Variants in USH2A observed in about 807,000 individuals in gnomAD.
USH2A encodes the protein Usher syndrome 2A (autosomal recessive, mild).
A neutral mutation model predicts 538.9 loss-of-function variants in USH2A; 443 were observed. That is an observed-to-expected ratio of 0.82 (90% CI 0.76 to 0.89). The LOEUF is 0.89. Among genes scored for constraint, USH2A ranks in the 40% least tolerant of loss-of-function variants. USH2A has a pLI of 0.00. For synonymous variants in USH2A, 2,413 were observed against 2,273.5 expected (o/e 1.06, Z -1.75); for missense variants, 6,633 against 6,324.8 (o/e 1.05, Z -1.65).
intron 14 of USH2A, among the ~76,000 whole-genome samples, chr1:216,231,243 TATATATTATATATATAATATATATATATA>T (rs1572072803): frequency 1.6e-5 from 1 of 62,236 alleles, no homozygotes; most frequent in Admixed American, 2.3e-4. Context: ...CATATATATA[TATATATTATATATATAATATATATATATA>T]ATATATATAC....
chr1:215,921,260 A>G (rs1038027043), intron 38 of USH2A, among the ~76,000 whole-genome samples: 3 of 152,080 alleles, frequency 2.0e-5, no homozygotes, highest in African/African-American at 7.2e-5. Context: ...CAAGTTAAGT[A>G]CTTATATCCA....
At chr1:215,764,507 A>G (rs1480165936) in intron 56 of USH2A, among the ~76,000 whole-genome samples, 2 of 152,198 alleles carry the variant, frequency 1.3e-5, no homozygotes, top group Non-Finnish European at 2.9e-5. Context: ...CTATGAGGAT[A>G]AAACTGTAGA....
At position 216,201,758 on chromosome 1, in the gene USH2A, G is replaced by A. The variant is rs535367110; in HGVS notation, c.3317-1637C>T. On this transcript the variant is annotated intron_variant, in intron 16 of 71. Coordinates refer to ENST00000307340, the MANE Select transcript of USH2A (RefSeq NM_206933.4). ...TATCAGAGATGACCCTGATAGAGCC[G>A]AGGAAGGTGAGACAGTTCTCTCTCT... 137 of 228,504 alleles carry A rather than the reference G, an allele frequency of 6.0e-4. 1 individual carries two copies. Among genetic ancestry groups the A allele is most frequent in the Non-Finnish European group, 6.2e-4 (63 of 101,722 alleles). The allele number at this position is 228,504 out of a possible 1,614,324, so 14.2% of individuals were successfully genotyped here. A position where few individuals can be genotyped will look rare whatever the true frequency, so the allele number is the denominator to read the frequency against.
At chr1:215,810,806 A>G (rs1662648858) in intron 49 of USH2A, among the ~76,000 whole-genome samples, 1 of 152,212 alleles carries the variant, frequency 6.6e-6, no homozygotes, top group Non-Finnish European at 1.5e-5. Flanking sequence ...ACAGTTTTCT[A>G]CAAAATCCTT....
At chr1:215,824,222 T>A (rs1663094451) in intron 47 of USH2A, among the ~76,000 whole-genome samples, 1 of 152,160 alleles carries the variant, frequency 6.6e-6, no homozygotes, top group African/African-American at 2.4e-5. Context: ...ATTACTCTTC[T>A]CTCCATTTCT....
At chr1:216,305,797 TG>T (rs2037306123) in intron 9 of USH2A, among the ~76,000 whole-genome samples, 1 of 152,208 alleles carries the variant, frequency 6.6e-6, no homozygotes, top group African/African-American at 2.4e-5. Context: ...ACAAAATTCC[TG>T]GCCAATAACT....
rs915667707 is a variant in USH2A, at chr1:215,962,103, T to A, written c.7120+3214A>T. 2.0e-5 allele frequency among the ~76,000 whole-genome samples: 3 copies of A among 152,036 alleles called. No individual in the cohort carries two copies. The East Asian group carries it at 5.8e-4, about 29-fold the overall frequency. On this transcript the variant is annotated intron_variant, in intron 37 of 71. Transcript: ENST00000307340. ...ACTAATTCCTAATAACTACTCAAGA[T>A]ACTGTGAAATAGCTACCATTTTTAA...
rs529753092 is a variant in USH2A at position 215,946,375 on chromosome 1, C to T, written c.7121-11580G>A. 2.6e-5 allele frequency among the ~76,000 whole-genome samples: 4 copies of T among 152,228 alleles called. No homozygotes were observed. In the South Asian group the frequency reaches 6.2e-4, roughly 24 times the overall value. ...GACACTCAACAATATTCGAGGATAA[C>T]AGGGATATTCAGGAGAGACAGACTT... On this transcript the variant is annotated intron_variant, in intron 37 of 71. Transcript: ENST00000307340.
intron 55 of USH2A, among the ~76,000 whole-genome samples, chr1:215,771,014 C>A (rs1051169499): frequency 2.3e-4 from 34 of 148,624 alleles, no homozygotes; most frequent in Admixed American, 6.1e-4. Flanking sequence ...GTAGTCCCAG[C>A]TGTTTGGGAG....
At chr1:216,112,529 G>T (rs926297991) in intron 21 of USH2A, among the ~76,000 whole-genome samples, 1 of 152,014 alleles carries the variant, frequency 6.6e-6, no homozygotes, top group Non-Finnish European at 1.5e-5. Flanking sequence ...TTGTGTCACG[G>T]GGGTTCAATG....
chr1:216,151,297 C>G (rs2033826637), intron 21 of USH2A, among the ~76,000 whole-genome samples: 1 of 152,080 alleles, frequency 6.6e-6, no homozygotes, highest in Non-Finnish European at 1.5e-5. Context: ...TTGCCTCGCA[C>G]AAGGTCTCTT....
chr1:216,190,398 AG>A, intron 19 of USH2A, 31 bp from the exon 20 acceptor site: 2 of 1,606,944 alleles, frequency 1.2e-6, no homozygotes, highest in Non-Finnish European at 1.7e-6. Context: ...AAAGAAAGAA[AG>A]AAAGATAATA....
intron 61 of USH2A, among the ~76,000 whole-genome samples, chr1:215,705,616 A>G (rs1659161637): frequency 6.6e-6 from 1 of 152,218 alleles, no homozygotes; most frequent in African/African-American, 2.4e-5. Context: ...AGGGTCCCCT[A>G]TGGTAAAAGG....
chr1:216,217,529 A>G lies in USH2A; in HGVS notation c.3015T>C (p.His1005=). The part of the protein sequence containing the change: ...QTGRCQPCNC[H]LSGALNETCH... The stretch of plus-strand genomic sequence containing the variant: ...AGGTTTCATTCAAGGCTCCTGAGAG[A>G]TGACAATTACAAGGCTGACATCTGA... The change falls in exon 15 of 72, where the codon CAT becomes CAC. Residue 1005 remains histidine, a synonymous_variant. Coordinates refer to ENST00000307340, the MANE Select transcript of USH2A (RefSeq NM_206933.4). 6.2e-7 allele frequency: 1 copy of G among 1,613,156 alleles called. No homozygotes were observed. Among genetic ancestry groups the G allele is most frequent in the Non-Finnish European group, 8.5e-7 (1 of 1,179,352 alleles).
chr1:216,220,943 G>C (rs1054120835), intron 14 of USH2A, among the ~76,000 whole-genome samples: 8 of 152,080 alleles, frequency 5.3e-5, no homozygotes, highest in African/African-American at 1.9e-4. Context: ...TTTTAGATAA[G>C]GATTATTAAT....
intron 49 of USH2A, among the ~76,000 whole-genome samples, chr1:215,811,266 A>G (rs1662667205): frequency 6.6e-6 from 1 of 152,210 alleles, no homozygotes; most frequent in South Asian, 2.1e-4. Context: ...AAATTAACAA[A>G]TTAGCCACAA....
intron 21 of USH2A, among the ~76,000 whole-genome samples, chr1:216,131,829 A>C (rs1173155958): frequency 6.6e-6 from 1 of 152,114 alleles, no homozygotes; most frequent in Non-Finnish European, 1.5e-5. Flanking sequence ...ATTTATTATT[A>C]ATGATAGTAA....
intron 64 of USH2A, 128 bp from the exon 65 acceptor site, chr1:215,650,929 A>G (rs1657056934): frequency 6.1e-6 from 6 of 984,464 alleles, no homozygotes; most frequent in Non-Finnish European, 9.1e-6. Context: ...GAAGAGATAA[A>G]CTTTGATCTT....
intron 22 of USH2A, among the ~76,000 whole-genome samples, chr1:216,093,424 T>C (rs2032353232): frequency 6.7e-6 from 1 of 149,100 alleles, no homozygotes; most frequent in Non-Finnish European, 1.5e-5. Context: ...GCGGAAATGA[T>C]GGGCAAATGC....
Sources: allele counts gnomAD v4.1 joint callset (sites outside exome capture counted in the v4.1 genomes callset), GRCh38; gene constraint gnomAD v4.1.1; transcripts MANE v1.5; gene names NCBI Gene and HGNC (gene_info 2026-07-23, HGNC 2026-07-21).